SLAMF7: variants seen among roughly 807,000 people sequenced by gnomAD.
The protein encoded by SLAMF7 is SLAM family member 7.
SLAMF7 carries 26 observed loss-of-function variants against 34.1 expected under a neutral mutation model. The observed-to-expected ratio is 0.76, with a 90% CI of 0.56 to 1.06. SLAMF7 has a LOEUF of 1.06. Ranked by LOEUF, SLAMF7 falls within the 50% of genes least tolerant of loss-of-function variation. The pLI, the probability that SLAMF7 is intolerant of heterozygous loss-of-function variation, is 0.00. For synonymous variants in SLAMF7, 171 were observed against 156.4 expected (o/e 1.09, Z -0.70); for missense variants, 399 against 402.5 (o/e 0.99, Z 0.07).
At chr1:160,752,372 G>A in intron 6 of SLAMF7, 124 bp downstream of exon 6, 1 of 682,234 alleles carries the variant, frequency 1.5e-6, no homozygotes, top group South Asian at 1.8e-5. Flanking sequence ...TACCCTAGTA[G>A]TTCCCCATTC....
chr1:160,741,969 C>G (rs565861), intron 1 of SLAMF7, among the ~76,000 whole-genome samples: 126,225 of 152,054 alleles, frequency 0.83, 52,552 homozygotes, highest in East Asian at 0.99. Flanking sequence ...CAACACACTG[C>G]TACATTTGGA....
chr1:160,741,701 A>G (rs1663757585), intron 1 of SLAMF7, among the ~76,000 whole-genome samples: 1 of 151,938 alleles, frequency 6.6e-6, no homozygotes, highest in East Asian at 1.9e-4. Context: ...CACCCCTTAA[A>G]CCTCCTCCTG....
At chr1:160,748,544 G>T (rs772667457) in intron 2 of SLAMF7, 30 bp downstream of exon 2, 1 of 1,581,864 alleles carries the variant, frequency 6.3e-7, no homozygotes, top group South Asian at 1.1e-5. Context: ...ATGGTGGATG[G>T]CTGCCTTGGT....
chr1:160,753,033 T>A (rs745504467), intron 6 of SLAMF7, 73 bp from the exon 7 acceptor site: 1 of 1,394,346 alleles, frequency 7.2e-7, no homozygotes, highest in Admixed American at 1.7e-5. Flanking sequence ...GTTTCCTGGA[T>A]GTCAGGGTCT....
intron 1 of SLAMF7, among the ~76,000 whole-genome samples, chr1:160,747,822 G>T (rs1193249645): frequency 6.6e-6 from 1 of 152,188 alleles, no homozygotes; most frequent in African/African-American, 2.4e-5. Context: ...GTAAGAATAA[G>T]ATGACTTACT....
intron 1 of SLAMF7, among the ~76,000 whole-genome samples, chr1:160,746,748 A>T (rs1664165500): frequency 1.3e-5 from 2 of 152,148 alleles, no homozygotes; most frequent in Admixed American, 6.5e-5. Context: ...GACAGCAAAG[A>T]CTGGCACTGG....
intron 6 of SLAMF7, among the ~76,000 whole-genome samples, chr1:160,752,533 C>T (rs1241842241): frequency 6.6e-6 from 1 of 152,206 alleles, no homozygotes; most frequent in African/African-American, 2.4e-5. Context: ...AAGTTGCAGA[C>T]AAGGAAAAAG....
intron 2 of SLAMF7, among the ~76,000 whole-genome samples, chr1:160,749,257 C>T (rs1664367349): frequency 6.6e-6 from 1 of 152,212 alleles, no homozygotes; most frequent in Admixed American, 6.5e-5. Flanking sequence ...GGGCAAAACA[C>T]ATTTTAACTG....
chr1:160,750,461 T>C (rs757652344), intron 4 of SLAMF7, 38 bp downstream of exon 4: 7 of 1,603,002 alleles, frequency 4.4e-6, no homozygotes, highest in South Asian at 2.2e-5. Context: ...CCCACATTCA[T>C]GTTTTTCTCC....
Position 160,739,339 on chromosome 1 carries a change from T to G in SLAMF7, c.38T>G (p.Ile13Ser), listed in dbSNP as rs776553989. The G allele has an allele frequency of 6.2e-7, 1 of 1,613,592 alleles. No individual in the cohort carries two copies. The highest frequency in any genetic ancestry group is 8.5e-7 in the Non-Finnish European group (1 of 1,179,774). The change falls in exon 1 of 7, where the codon ATC becomes AGC. Residue 13 changes from isoleucine to serine, a missense_variant. Ile to Ser is a moderately radical substitution (Grantham distance 142). Transcript: ENST00000368043. Reference sequence around the variant, plus strand: ...CCAACATGCCTCACCCTCATCTATATCCTTTGGCAGCTCACAGGTGAGTCC... The same window carrying G: ...CCAACATGCCTCACCCTCATCTATAGCCTTTGGCAGCTCACAGGTGAGTCC... Reference protein sequence around the residue: ...GSPTCLTLIYILWQLTGSAAS... With the variant: ...GSPTCLTLIYSLWQLTGSAAS...
chr1:160,752,853 G>A (rs1419048589), intron 6 of SLAMF7, among the ~76,000 whole-genome samples: 1 of 152,132 alleles, frequency 6.6e-6, no homozygotes, highest in Non-Finnish European at 1.5e-5. Context: ...AGAAAAGGTT[G>A]GTTTAGTGAA....
At position 160,739,318 on chromosome 1, in the gene SLAMF7, C is replaced by A; in HGVS notation, c.17C>A (p.Thr6Lys). The A allele has an allele frequency of 1.9e-6, 3 of 1,613,992 alleles. No individual in the cohort carries two copies. Among genetic ancestry groups the A allele is most frequent in the Non-Finnish European group, 2.5e-6 (3 of 1,179,902 alleles). ...GAGAGCAATATGGCTGGTTCCCCAACATGCCTCACCCTCATCTATATCCTT... is the reference window on the plus strand; with the variant it reads ...GAGAGCAATATGGCTGGTTCCCCAAAATGCCTCACCCTCATCTATATCCTT... MAGSPTCLTLIYILWQ... is the reference protein window; with the variant it reads MAGSPKCLTLIYILWQ... The change falls in exon 1 of 7, where the codon ACA becomes AAA. Residue 6 changes from threonine to lysine, a missense_variant. Transcript: ENST00000368043.
chr1:160,744,950 C>T (rs192974981), intron 1 of SLAMF7, among the ~76,000 whole-genome samples: 15 of 152,216 alleles, frequency 9.9e-5, no homozygotes, highest in East Asian at 7.7e-4. Flanking sequence ...AAAACCATCC[C>T]GGCCTTAATA....
rs371975664 is a variant in SLAMF7 at position 160,753,221 on chromosome 1, T to C, written c.*44T>C. On this transcript the variant is annotated 3_prime_UTR_variant, in exon 7 of 7. Coordinates refer to ENST00000368043, the MANE Select transcript of SLAMF7 (RefSeq NM_021181.5). Reference sequence around the variant, plus strand: ...AAGTCTCTGCTCAAAAAAAAAACAATTCTCGGCCCAAAGAAAACAATCAGA... The same window carrying C: ...AAGTCTCTGCTCAAAAAAAAAACAACTCTCGGCCCAAAGAAAACAATCAGA... The C allele has an allele frequency of 7.4e-4, 1,103 of 1,491,292 alleles. 2 individuals carry two copies. The highest frequency in any genetic ancestry group is 9.6e-4 in the Non-Finnish European group (1,037 of 1,078,944). The allele number at this position is 1,491,292 out of a possible 1,614,324, so 92.4% of individuals were successfully genotyped here. A position where few individuals can be genotyped will look rare whatever the true frequency, so the allele number is the denominator to read the frequency against.
chr1:160,751,608 T>A, intron 5 of SLAMF7, 160 bp downstream of exon 5: 1 of 598,960 alleles, frequency 1.7e-6, no homozygotes, highest in Non-Finnish European at 3.0e-6. Flanking sequence ...CTTCATGGAT[T>A]CTCTTCTGTG....
chr1:160,754,423 G>T lies in SLAMF7; in HGVS notation c.*1246G>T, dbSNP rs1220723761. 1 of 152,488 alleles carries T rather than the reference G, an allele frequency of 6.6e-6. No homozygotes were observed. The highest frequency in any genetic ancestry group is 1.5e-5 in the Non-Finnish European group (1 of 68,308). The allele number at this position is 152,488 out of a possible 1,614,324, so 9.4% of individuals were successfully genotyped here. Reference sequence around the variant, plus strand: ...GCTGAGATGGCACCACTGCACTCCGGCCTAGGCAACGAGAGCAAAACTCCA... The same window carrying T: ...GCTGAGATGGCACCACTGCACTCCGTCCTAGGCAACGAGAGCAAAACTCCA... On this transcript the variant is annotated 3_prime_UTR_variant, in exon 7 of 7. Transcript: ENST00000368043.
chr1:160,752,993 C>A, intron 6 of SLAMF7, 113 bp from the exon 7 acceptor site: 1 of 875,382 alleles, frequency 1.1e-6, no homozygotes, highest in Non-Finnish European at 1.9e-6. Context: ...GCATGCCAGC[C>A]GATTTGGGTT....
At chr1:160,744,359 C>T (rs529864578) in intron 1 of SLAMF7, among the ~76,000 whole-genome samples, 5 of 152,290 alleles carry the variant, frequency 3.3e-5, no homozygotes, top group South Asian at 2.1e-4. Context: ...ACCCACATTC[C>T]GAGAATGGCA....
At position 160,751,337 on chromosome 1, in the gene SLAMF7, G is replaced by T; in HGVS notation, c.770-8G>T. 1 of 1,605,144 alleles carries T rather than the reference G, an allele frequency of 6.2e-7. No homozygotes were observed. The highest frequency in any genetic ancestry group is 8.5e-7 in the Non-Finnish European group (1 of 1,171,798). ...GGTGGCTTTGATTCTCTCCCAACTT[G>T]CTTTTAGAGTACATTGAAGAGAAGA... is the stretch of plus-strand genomic sequence containing the variant. On this transcript the variant is annotated splice_polypyrimidine_tract_variant and splice_region_variant and intron_variant, in intron 4 of 6. Coordinates refer to ENST00000368043, the MANE Select transcript of SLAMF7 (RefSeq NM_021181.5).
Sources: gnomAD v4.1 joint callset for allele counts (sites outside exome capture counted in the v4.1 genomes callset) on GRCh38, gnomAD v4.1.1 for gene constraint, MANE v1.5 for transcripts, NCBI Gene and HGNC (gene_info 2026-07-23, HGNC 2026-07-21) for gene names.